TIAM1: variants seen among roughly 807,000 people sequenced by gnomAD.
The protein encoded by TIAM1 is rho guanine nucleotide exchange factor TIAM1.
Under a neutral mutation model 163.5 loss-of-function variants are expected in TIAM1, and 65 were observed. The observed-to-expected ratio is 0.40, with a 90% CI of 0.33 to 0.49. The LOEUF is 0.49. Ranked by LOEUF, TIAM1 falls within the 20% of genes least tolerant of loss-of-function variation. The pLI, the probability that TIAM1 is intolerant of heterozygous loss-of-function variation, is 0.77. For synonymous variants in TIAM1, 833 were observed against 810.1 expected (o/e 1.03, Z -0.48); for missense variants, 1,789 against 2,044.7 (o/e 0.87, Z 2.41).
chr21:31,467,358 C>A (rs75097321), intron 1 of TIAM1, among the ~76,000 whole-genome samples: 3 of 151,850 alleles, frequency 2.0e-5, no homozygotes, highest in African/African-American at 7.3e-5. Context: ...TAAGGCCGGG[C>A]GCAGTGGCTC....
intron 2 of TIAM1, among the ~76,000 whole-genome samples, chr21:31,310,200 C>T (rs774203345): frequency 3.3e-5 from 5 of 152,228 alleles, no homozygotes; most frequent in East Asian, 1.9e-4. Flanking sequence ...TGGCCACTTC[C>T]AGACCCTGCC....
At position 31,182,525 on chromosome 21, in the gene TIAM1, G is replaced by C; in HGVS notation, c.2783C>G (p.Pro928Arg). Residue 928 changes from proline (P) to arginine (R), a missense_variant, in exon 15 of 28, where the codon CCC becomes CGC. Pro to Arg is a moderately radical substitution (Grantham distance 103, BLOSUM62 -2). Transcript: ENST00000541036. ...CAGCTCCACTCCTTCCTCCAGCTCG[G>C]GGTAGGTCCTCACCAGGAGGCCCAG... ...PSLGLLVRTY[P>R]ELEEGVELLE... 1 of 1,614,002 alleles carries C rather than the reference G, an allele frequency of 6.2e-7. No individual in the cohort carries two copies. The highest frequency in any genetic ancestry group is 8.5e-7 in the Non-Finnish European group (1 of 1,179,962).
chr21:31,488,377 G>A (rs574076984), intron 1 of TIAM1, among the ~76,000 whole-genome samples: 172 of 152,314 alleles, frequency 1.1e-3, no homozygotes, highest in East Asian at 1.2e-3. Flanking sequence ...GGGGGATGGG[G>A]AGGGAGATAC....
intron 1 of TIAM1, among the ~76,000 whole-genome samples, chr21:31,521,930 T>G (rs1178684295): frequency 6.6e-6 from 1 of 152,022 alleles, no homozygotes; most frequent in Non-Finnish European, 1.5e-5. Context: ...GGAGTGCAGT[T>G]GTGCCATCTC....
intron 8 of TIAM1, 81 bp downstream of exon 8, chr21:31,223,325 C>T (rs2087734352): frequency 9.6e-6 from 14 of 1,454,302 alleles, no homozygotes; most frequent in Non-Finnish European, 1.2e-5. Flanking sequence ...TCGAAAAACA[C>T]TTAGGAGACT....
At chr21:31,359,846 AAGGAAG>A (rs2076378461) in intron 2 of TIAM1, among the ~76,000 whole-genome samples, 5 of 132,494 alleles carry the variant, frequency 3.8e-5, no homozygotes, top group Non-Finnish European at 1.6e-5. Flanking sequence ...GGAAGGAAGG[AAGGAAG>A]GAAGGAAGGA....
At chr21:31,406,845 C>T (rs1455062939) in intron 2 of TIAM1, among the ~76,000 whole-genome samples, 1 of 152,198 alleles carries the variant, frequency 6.6e-6, no homozygotes. Flanking sequence ...ATACACTGCC[C>T]TGTTTCACAC....
chr21:31,349,674 T>C (rs2076203377), intron 2 of TIAM1, among the ~76,000 whole-genome samples: 1 of 152,182 alleles, frequency 6.6e-6, no homozygotes, highest in Non-Finnish European at 1.5e-5. Flanking sequence ...CAGGATAGCT[T>C]TATAATCCCC....
intron 5 of TIAM1, 148 bp from the exon 6 acceptor site, chr21:31,245,808 G>C (rs961340821): frequency 6.7e-6 from 5 of 750,062 alleles, no homozygotes; most frequent in Non-Finnish European, 7.4e-6. Flanking sequence ...GCCAGGCTTG[G>C]ACTCAAGTCT....
intron 19 of TIAM1, among the ~76,000 whole-genome samples, chr21:31,151,551 G>A (rs932049971): frequency 3.3e-5 from 5 of 152,062 alleles, no homozygotes; most frequent in Admixed American, 3.3e-4. Flanking sequence ...ATGGAGCAGG[G>A]GTAGAGTGGG....
intron 2 of TIAM1, among the ~76,000 whole-genome samples, chr21:31,447,252 T>C (rs1042725528): frequency 6.6e-6 from 1 of 152,232 alleles, no homozygotes; most frequent in East Asian, 1.9e-4. Flanking sequence ...TATTTTACTA[T>C]AGCTGGTAGC....
At chr21:31,321,010 G>A (rs1400629624) in intron 2 of TIAM1, among the ~76,000 whole-genome samples, 1 of 151,882 alleles carries the variant, frequency 6.6e-6, no homozygotes, top group East Asian at 1.9e-4. Flanking sequence ...AAGAGATCTG[G>A]GTACAGTGGT....
At chr21:31,337,584 T>C (rs1354715421) in intron 2 of TIAM1, among the ~76,000 whole-genome samples, 1 of 150,724 alleles carries the variant, frequency 6.6e-6, no homozygotes, top group Admixed American at 6.6e-5. Flanking sequence ...CAGGCTGGAG[T>C]GCGGTAGTGT....
At chr21:31,305,939 G>A (rs1285533641) in intron 2 of TIAM1, among the ~76,000 whole-genome samples, 1 of 152,016 alleles carries the variant, frequency 6.6e-6, no homozygotes, top group Non-Finnish European at 1.5e-5. Context: ...AGCCCCAAAG[G>A]GCAAGTCCCC....
rs766350206 is a variant in TIAM1, at chr21:31,217,699, C to T, written c.1996G>A (p.Val666Met). The T allele has an allele frequency of 2.5e-6, 4 of 1,612,566 alleles. No individual in the cohort carries two copies. The highest frequency in any genetic ancestry group is 3.4e-6 in the Non-Finnish European group (4 of 1,179,218). ...IFSVSSFHAL[V>M]AARTGETGVR... ...CCAGTTTCACCAGTGCGTGCTGCCA[C>T]CTGAGGATGGCAAGGACAAGCAGCC... is the stretch of plus-strand genomic sequence containing the variant. Residue 666 changes from valine to methionine, a missense_variant and splice_region_variant, in exon 9 of 28, where the codon GTG (valine) becomes ATG (methionine). Coordinates refer to ENST00000541036, the MANE Select transcript of TIAM1 (RefSeq NM_001353694.2).
At chr21:31,302,160 G>A (rs1419491262) in intron 2 of TIAM1, among the ~76,000 whole-genome samples, 2 of 151,808 alleles carry the variant, frequency 1.3e-5, no homozygotes, top group Admixed American at 1.3e-4. Context: ...TGTTTTCATG[G>A]CATTGTTAAA....
chr21:31,315,266 G>A (rs1250672723), intron 2 of TIAM1, among the ~76,000 whole-genome samples: 1 of 152,068 alleles, frequency 6.6e-6, no homozygotes, highest in Non-Finnish European at 1.5e-5. Flanking sequence ...TGTAATCCCA[G>A]CACTTTGGGA....
chr21:31,450,597 G>T (rs2044794603), intron 2 of TIAM1, among the ~76,000 whole-genome samples: 1 of 152,168 alleles, frequency 6.6e-6, no homozygotes, highest in Non-Finnish European at 1.5e-5. Context: ...CCCTCCTTGA[G>T]AGTTGTGTTA....
intron 15 of TIAM1, among the ~76,000 whole-genome samples, chr21:31,166,591 T>C (rs1303627187): frequency 6.6e-6 from 1 of 152,224 alleles, no homozygotes; most frequent in Non-Finnish European, 1.5e-5. Flanking sequence ...GAGGTTTCTG[T>C]GTGTTTCCCC....
Sources: gnomAD v4.1 joint callset for allele counts (sites outside exome capture counted in the v4.1 genomes callset) on GRCh38, gnomAD v4.1.1 for gene constraint, MANE v1.5 for transcripts, NCBI Gene and HGNC (gene_info 2026-07-23, HGNC 2026-07-21) for gene names.